The following PPARGC1A variants were observed in gnomAD, a reference collection of about 807,000 sequenced individuals.
PPARGC1A encodes peroxisome proliferator-activated receptor gamma coactivator 1-alpha.
Under a neutral mutation model 88.7 loss-of-function variants are expected in PPARGC1A, and 25 were observed. The ratio of observed to expected loss-of-function variants is 0.28; its 90% CI spans 0.21 to 0.39. PPARGC1A has a LOEUF of 0.39. Among genes scored for constraint, PPARGC1A ranks in the 10% least tolerant of loss-of-function variants. The pLI is 1.00. For missense variants in PPARGC1A, 880 were observed against 968.7 expected (o/e 0.91, Z 1.22); for synonymous variants, 363 against 355.6 (o/e 1.02, Z -0.24).
At chr4:23,838,524 C>CAATA (rs1245314147) in intron 2 of PPARGC1A, among the ~76,000 whole-genome samples, 2 of 152,144 alleles carry the variant, frequency 1.3e-5, no homozygotes, top group African/African-American at 4.8e-5. Context: ...AAAATCAAGA[C>CAATA]AATAAATACC....
the PPARGC1A span, among the ~76,000 whole-genome samples, chr4:24,074,093 C>T: frequency 1.4e-4 from 21 of 152,182 alleles, no homozygotes; most frequent in East Asian, 3.3e-3. Context: ...AAGGGAGGAT[C>T]CCGCAAAAGG....
At chr4:24,035,405 G>A in the PPARGC1A span, among the ~76,000 whole-genome samples, 2 of 151,938 alleles carry the variant, frequency 1.3e-5, no homozygotes, top group African/African-American at 4.8e-5. Flanking sequence ...GCCGGGTGTG[G>A]TGGTGTGCCC....
At chr4:24,200,811 C>T in the PPARGC1A span, among the ~76,000 whole-genome samples, 1 of 152,018 alleles carries the variant, frequency 6.6e-6, no homozygotes, top group Non-Finnish European at 1.5e-5. Flanking sequence ...AAAAATGGCC[C>T]AAGGAATTTC....
chr4:24,051,762 T>A, the PPARGC1A span, among the ~76,000 whole-genome samples: 1 of 152,004 alleles, frequency 6.6e-6, no homozygotes, highest in Non-Finnish European at 1.5e-5. Context: ...GTGGCTTAAA[T>A]AACAAGTTTG....
At chr4:23,844,945 C>T (rs1213907804) in intron 2 of PPARGC1A, among the ~76,000 whole-genome samples, 2 of 146,522 alleles carry the variant, frequency 1.4e-5, no homozygotes, top group Non-Finnish European at 3.0e-5. Context: ...AGCATAATAG[C>T]TAAGAAAGAA....
At chr4:23,976,553 T>G in the PPARGC1A span, among the ~76,000 whole-genome samples, 1 of 152,212 alleles carries the variant, frequency 6.6e-6, no homozygotes, top group Non-Finnish European at 1.5e-5. Flanking sequence ...CCACCAATAC[T>G]TATGTGTTGA....
At chr4:23,965,931 T>C in the PPARGC1A span, among the ~76,000 whole-genome samples, 52 of 152,290 alleles carry the variant, frequency 3.4e-4, 1 homozygote, top group Middle Eastern at 0.024. Context: ...ACAGTTTTTA[T>C]GGCAAATGCA....
chr4:23,829,407 T>G, intron 4 of PPARGC1A, 56 bp downstream of exon 4: 1 of 1,586,598 alleles, frequency 6.3e-7, no homozygotes, highest in East Asian at 2.2e-5. Context: ...GTTTTACTGC[T>G]TCAAGCCAAA....
the PPARGC1A span, among the ~76,000 whole-genome samples, chr4:24,291,071 T>A: frequency 6.6e-6 from 1 of 152,308 alleles, no homozygotes; most frequent in South Asian, 2.1e-4. Flanking sequence ...GCACTTTCTA[T>A]CTCTCAGATC....
In PPARGC1A at chr4:23,831,599, A is replaced by G; in HGVS notation, c.387T>C (p.Pro129=). ...TDNEASPSSM[P]DGTPPPQEAE... ...CCTCCTGGGGTGGAGGGGTGCCGTCAGGCATGGAGGAAGGACTAGCCTCAT... is the reference window on the plus strand; with the variant it reads ...CCTCCTGGGGTGGAGGGGTGCCGTCGGGCATGGAGGAAGGACTAGCCTCAT... The change falls in exon 3 of 13, where the codon CCT becomes CCC. Residue 129 remains proline, a synonymous_variant. Coordinates refer to ENST00000264867, the MANE Select transcript of PPARGC1A (RefSeq NM_013261.5). The G allele has an allele frequency of 6.2e-7, 1 of 1,614,162 alleles. No individual in the cohort carries two copies. Among genetic ancestry groups the G allele is most frequent in the Non-Finnish European group, 8.5e-7 (1 of 1,180,008 alleles).
the PPARGC1A span, among the ~76,000 whole-genome samples, chr4:23,952,604 A>G: frequency 1.3e-5 from 2 of 152,110 alleles, no homozygotes; most frequent in Non-Finnish European, 2.9e-5. Context: ...TTAAGTCCAG[A>G]GATATATCCA....
At chr4:24,275,262 T>C in the PPARGC1A span, among the ~76,000 whole-genome samples, 1 of 152,216 alleles carries the variant, frequency 6.6e-6, no homozygotes, top group Non-Finnish European at 1.5e-5. Context: ...GGCATCAGCA[T>C]ATTACAAAAA....
chr4:24,101,620 A>G, the PPARGC1A span, among the ~76,000 whole-genome samples: 123 of 152,352 alleles, frequency 8.1e-4, no homozygotes, highest in African/African-American at 2.9e-3. Context: ...CCATTTTTTA[A>G]GAAAAATGTA....
At chr4:24,059,530 C>G in the PPARGC1A span, among the ~76,000 whole-genome samples, 1 of 152,164 alleles carries the variant, frequency 6.6e-6, no homozygotes, top group Non-Finnish European at 1.5e-5. Flanking sequence ...CTCTTATGTG[C>G]GTGAGATAGC....
At chr4:24,417,771 C>A in the PPARGC1A span, among the ~76,000 whole-genome samples, 2 of 152,066 alleles carry the variant, frequency 1.3e-5, no homozygotes, top group East Asian at 3.9e-4. Flanking sequence ...AAAACATGAT[C>A]TTTTTATAAC....
chr4:24,467,081 GGAGAGAGA>G, the PPARGC1A span, among the ~76,000 whole-genome samples: 15 of 129,396 alleles, frequency 1.2e-4, no homozygotes, highest in African/African-American at 4.4e-4. Context: ...AGAAAGAAAG[GGAGAGAGA>G]GAGAGAGAGA....
the PPARGC1A span, among the ~76,000 whole-genome samples, chr4:24,454,863 T>C: frequency 6.6e-5 from 10 of 151,778 alleles, no homozygotes; most frequent in Non-Finnish European, 1.2e-4. Context: ...ATCTGAAAGA[T>C]AGTCATGTGA....
chr4:23,877,247 T>A (rs1714897043), intron 2 of PPARGC1A, among the ~76,000 whole-genome samples: 1 of 150,966 alleles, frequency 6.6e-6, no homozygotes. Context: ...CCGGGTGCAG[T>A]GGCTCACGCC....
the PPARGC1A span, among the ~76,000 whole-genome samples, chr4:24,275,849 A>C: frequency 6.6e-6 from 1 of 152,188 alleles, no homozygotes; most frequent in Non-Finnish European, 1.5e-5. Flanking sequence ...AGTGATATGC[A>C]TATATATAAT....
Sources: allele counts gnomAD v4.1 joint callset (sites outside exome capture counted in the v4.1 genomes callset), GRCh38; gene constraint gnomAD v4.1.1; transcripts MANE v1.5; gene names NCBI Gene and HGNC (gene_info 2026-07-23, HGNC 2026-07-21).